ECT2L: variants seen among roughly 807,000 people sequenced by gnomAD.
ECT2L encodes the protein epithelial cell-transforming sequence 2 oncogene-like.
In ECT2L, 126 loss-of-function variants were observed where a neutral mutation model predicts 122.8. The ratio of observed to expected loss-of-function variants is 1.03; its 90% confidence interval spans 0.89 to 1.19. ECT2L has a LOEUF of 1.19. ECT2L is among the 50% of genes most tolerant of loss of function. The pLI, the probability that ECT2L is intolerant of heterozygous loss-of-function variation, is 0.00. For synonymous variants in ECT2L, 385 were observed against 381.8 expected (o/e 1.01, Z -0.10); for missense variants, 1,012 against 1,064.1 (o/e 0.95, Z 0.68).
At chr6:138,876,626 C>A in intron 14 of ECT2L, 68 bp downstream of exon 14, 2 of 935,492 alleles carry the variant, frequency 2.1e-6, no homozygotes, top group Non-Finnish European at 3.1e-6. Context: ...AGCCTTTATT[C>A]TGGTTAGTTC....
In ECT2L at chr6:138,804,815, G is replaced by T. The variant is rs144322123; in HGVS notation, c.-243-8023G>T. ...CTTAATTTTTTCCAGGTACTTAGTG[G>T]TACTTGATGTTATTGTAAATATCAT... On this transcript the variant is annotated intron_variant, in intron 1 of 21. Transcript: ENST00000541398. Among the ~76,000 whole-genome samples the T allele has an allele frequency of 7.2e-5, 11 of 152,202 alleles. No homozygotes were observed. The East Asian group carries it at 1.4e-3, about 19-fold the overall frequency.
chr6:138,803,365 A>G (rs1311645826), intron 1 of ECT2L, among the ~76,000 whole-genome samples: 1 of 151,920 alleles, frequency 6.6e-6, no homozygotes, highest in East Asian at 1.9e-4. Context: ...CTATGCTCAC[A>G]TATTTAAGCC....
intron 19 of ECT2L, among the ~76,000 whole-genome samples, chr6:138,888,083 T>C (rs1458594029): frequency 6.6e-6 from 1 of 152,184 alleles, no homozygotes; most frequent in African/African-American, 2.4e-5. Context: ...TTATTTTTAT[T>C]TAGTCAAATT....
intron 14 of ECT2L, among the ~76,000 whole-genome samples, chr6:138,878,324 CA>C (rs1357083613): frequency 1.2e-4 from 18 of 152,080 alleles, no homozygotes; most frequent in Non-Finnish European, 2.2e-4. Flanking sequence ...CACACACACA[CA>C]CACACACATA....
At chr6:138,849,721 G>A (rs1777364695) in intron 9 of ECT2L, among the ~76,000 whole-genome samples, 1 of 151,638 alleles carries the variant, frequency 6.6e-6, no homozygotes, top group African/African-American at 2.4e-5. Context: ...GGTGTGTGCC[G>A]CCACGCCCAG....
At chr6:138,865,766 T>A (rs1391098519) in intron 12 of ECT2L, among the ~76,000 whole-genome samples, 3 of 152,212 alleles carry the variant, frequency 2.0e-5, no homozygotes, top group African/African-American at 7.2e-5. Flanking sequence ...TTTAAGTATA[T>A]TTCACCATCT....
intron 4 of ECT2L, among the ~76,000 whole-genome samples, chr6:138,828,230 A>C (rs552246730): frequency 6.6e-6 from 1 of 152,334 alleles, no homozygotes; most frequent in African/African-American, 2.4e-5. Flanking sequence ...ATTTTCCTCA[A>C]TGACCTCATA....
intron 20 of ECT2L, among the ~76,000 whole-genome samples, chr6:138,891,377 G>C (rs1263995596): frequency 6.6e-6 from 1 of 152,190 alleles, no homozygotes; most frequent in Admixed American, 6.5e-5. Context: ...ATCCAGGAGA[G>C]ATTCAGCTGA....
intron 5 of ECT2L, among the ~76,000 whole-genome samples, chr6:138,840,440 A>C (rs1777000261): frequency 6.6e-6 from 1 of 152,116 alleles, no homozygotes; most frequent in African/African-American, 2.4e-5. Flanking sequence ...ATTTGGAATA[A>C]TTTTCCTTTT....
chr6:138,796,967 G>A (rs1226086386), intron 1 of ECT2L, among the ~76,000 whole-genome samples: 2 of 152,154 alleles, frequency 1.3e-5, no homozygotes, highest in African/African-American at 2.4e-5. Context: ...GGACTTGGAA[G>A]TTTTATAGCA....
At chr6:138,889,903 G>A (rs988140063) in intron 20 of ECT2L, among the ~76,000 whole-genome samples, 1 of 152,106 alleles carries the variant, frequency 6.6e-6, no homozygotes, top group Admixed American at 6.5e-5. Context: ...AGATTTTGCT[G>A]GCCAAATGAT....
At chr6:138,880,929 G>A in intron 14 of ECT2L, 28 bp from the exon 15 acceptor site, 2 of 1,597,916 alleles carry the variant, frequency 1.3e-6, no homozygotes, top group South Asian at 1.1e-5. Flanking sequence ...CTCCATCACT[G>A]ACTTGAGTTC....
intron 4 of ECT2L, among the ~76,000 whole-genome samples, chr6:138,836,081 C>T (rs539745750): frequency 3.3e-5 from 5 of 152,014 alleles, no homozygotes; most frequent in Non-Finnish European, 7.4e-5. Context: ...CTCAGTGGAT[C>T]GCGTCGGGGG....
intron 1 of ECT2L, among the ~76,000 whole-genome samples, chr6:138,812,260 G>A (rs1456034494): frequency 6.6e-6 from 1 of 152,180 alleles, no homozygotes; most frequent in Non-Finnish European, 1.5e-5. Context: ...TGTTGTGCAA[G>A]TCACCCAGTC....
intron 14 of ECT2L, 124 bp downstream of exon 14, chr6:138,876,682 ACCTC>A: frequency 1.4e-5 from 8 of 552,136 alleles, no homozygotes; most frequent in South Asian, 2.7e-5. Context: ...AAAAAAAAAA[ACCTC>A]AAAAATTATT....
chr6:138,890,120 G>C (rs1288574048), intron 20 of ECT2L, among the ~76,000 whole-genome samples: 4 of 152,026 alleles, frequency 2.6e-5, no homozygotes, highest in African/African-American at 9.7e-5. Flanking sequence ...ATCAAACTAT[G>C]AATAAAATAG....
At chr6:138,840,415 C>A (rs919539252) in intron 5 of ECT2L, among the ~76,000 whole-genome samples, 2 of 152,008 alleles carry the variant, frequency 1.3e-5, no homozygotes, top group Non-Finnish European at 2.9e-5. Flanking sequence ...TCTGTTCCTG[C>A]ATCTCTGAGT....
chr6:138,828,847 G>A (rs568188861), intron 4 of ECT2L, among the ~76,000 whole-genome samples: 1 of 152,188 alleles, frequency 6.6e-6, no homozygotes, highest in East Asian at 1.9e-4. Flanking sequence ...AGTATCTTAT[G>A]TTTCAATCCA....
chr6:138,805,762 T>A (rs1277481466), intron 1 of ECT2L, among the ~76,000 whole-genome samples: 2 of 151,796 alleles, frequency 1.3e-5, no homozygotes, highest in Non-Finnish European at 2.9e-5. Context: ...ATTCCAAGAG[T>A]TCAAAAACAG....
Sources: allele counts gnomAD v4.1 joint callset (sites outside exome capture counted in the v4.1 genomes callset), GRCh38; gene constraint gnomAD v4.1.1; transcripts MANE v1.5; gene names NCBI Gene and HGNC (gene_info 2026-07-23, HGNC 2026-07-21).